Variants in FBXO10 observed in about 807,000 individuals in gnomAD.
The protein encoded by FBXO10 is F-box only protein 10.
FBXO10 carries 39 observed loss-of-function variants against 80.7 expected under a neutral mutation model. The ratio of observed to expected loss-of-function variants is 0.48; its 90% confidence interval spans 0.37 to 0.63. The LOEUF (loss-of-function observed/expected upper bound fraction) is 0.63. Ranked by LOEUF, FBXO10 falls within the 30% of genes least tolerant of loss-of-function variation. The pLI is 0.00. For synonymous variants in FBXO10, 449 were observed against 489.6 expected, an observed-to-expected ratio of 0.92 and a Z score of 1.09; for missense variants, 1,025 against 1,269.0, an observed-to-expected ratio of 0.81 and a Z score of 2.92.
At chr9:37,560,674 G>A (rs1286767466) in intron 1 of FBXO10, among the ~76,000 whole-genome samples, 6 of 150,702 alleles carry the variant, frequency 4.0e-5, no homozygotes, top group African/African-American at 1.2e-4. Context: ...TTGCCTTTCC[G>A]TTTTACCACT....
chr9:37,536,856 A>G (rs1236026440), intron 3 of FBXO10, among the ~76,000 whole-genome samples: 2 of 152,032 alleles, frequency 1.3e-5, no homozygotes, highest in Non-Finnish European at 2.9e-5. Context: ...GAGGCAGGAG[A>G]CCCGAGTTTC....
chr9:37,537,380 A>G lies in FBXO10; in HGVS notation c.1149T>C (p.Pro383=). The G allele has an allele frequency of 6.3e-7, 1 of 1,596,748 alleles. No individual in the cohort carries two copies. The highest frequency in any genetic ancestry group is 1.1e-5 in the South Asian group (1 of 89,216). ...RLSYQVQGPR[P]VLGGSFLGPP... is the part of the protein sequence containing the mutation. ...GGCCCAGAAATGAGCCCCCCAATACAGGGCGTGGGCCCTGCACTTGGTAGG... is the reference window on the plus strand; with the variant it reads ...GGCCCAGAAATGAGCCCCCCAATACGGGGCGTGGGCCCTGCACTTGGTAGG... Residue 383 remains proline (P), a synonymous_variant, in exon 3 of 11, where the codon CCT becomes CCC. Coordinates refer to ENST00000432825, the MANE Select transcript of FBXO10 (RefSeq NM_012166.3).
rs187865949 is a variant in FBXO10 at position 37,559,537 on chromosome 9, A to G, written c.-7+16674T>C. On this transcript the variant is annotated intron_variant, in intron 1 of 10. Coordinates refer to ENST00000432825, the MANE Select transcript of FBXO10 (RefSeq NM_012166.3). ...TTGCTGTGATGATTAAAAAATTGAAAGCACATTACATTGGGAATCAATGCT... is the reference window on the plus strand; with the variant it reads ...TTGCTGTGATGATTAAAAAATTGAAGGCACATTACATTGGGAATCAATGCT... 3.0e-4 allele frequency among the ~76,000 whole-genome samples: 45 copies of G among 152,352 alleles called. 1 individual carries two copies. The highest frequency in any genetic ancestry group is 2.7e-3 in the Admixed American group (41 of 15,306).
chr9:37,538,710 A>G (rs1366011334), intron 2 of FBXO10, among the ~76,000 whole-genome samples: 1 of 143,406 alleles, frequency 7.0e-6, no homozygotes, highest in Non-Finnish European at 1.6e-5. Context: ...TCGGTGTCCA[A>G]AAAAAAAAAA....
chr9:37,533,416 G>A (rs1201658754), intron 3 of FBXO10, among the ~76,000 whole-genome samples: 1 of 151,654 alleles, frequency 6.6e-6, no homozygotes, highest in Non-Finnish European at 1.5e-5. Flanking sequence ...CATGGTGGCA[G>A]ATGCCTGTAG....
chr9:37,526,908 TG>T (rs1821491175), intron 5 of FBXO10, among the ~76,000 whole-genome samples: 3 of 151,968 alleles, frequency 2.0e-5, no homozygotes, highest in Admixed American at 1.3e-4. Context: ...TGGAGTGCAG[TG>T]GCACGATCTC....
Position 37,537,595 on chromosome 9 carries a change from C to T in FBXO10, c.934G>A (p.Val312Ile), listed in dbSNP as rs1484548171. 6.2e-7 allele frequency: 1 copy of T among 1,613,934 alleles called. No individual in the cohort carries two copies. The highest frequency in any genetic ancestry group is 1.7e-5 in the Admixed American group (1 of 60,012). The change falls in exon 3 of 11, where the codon GTT (valine) becomes ATT (isoleucine). Residue 312 changes from valine (V) to isoleucine (I), a missense_variant. Coordinates refer to ENST00000432825, the MANE Select transcript of FBXO10 (RefSeq NM_012166.3). ...GTAGGGCTCTGGCTGCCCTCGATAA[C>T]AATGTCACAGGTCTTTGGGCTCCAG... ...QAWSPKTCDI[V>I]IEGSQSPTSP...
intron 1 of FBXO10, among the ~76,000 whole-genome samples, chr9:37,549,452 C>T (rs947457178): frequency 2.6e-5 from 4 of 152,170 alleles, no homozygotes; most frequent in Admixed American, 6.6e-5. Flanking sequence ...CTCTCTGTGT[C>T]CCCCATTCCA....
chr9:37,530,790 C>G (rs556907928), intron 4 of FBXO10, among the ~76,000 whole-genome samples: 14 of 152,270 alleles, frequency 9.2e-5, no homozygotes, highest in African/African-American at 3.4e-4. Context: ...CAGGTGTGAG[C>G]TACCATGCCC....
At chr9:37,572,566 A>G (rs1184754362) in intron 1 of FBXO10, among the ~76,000 whole-genome samples, 1 of 152,184 alleles carries the variant, frequency 6.6e-6, no homozygotes, top group African/African-American at 2.4e-5. Context: ...ACAAAATGCA[A>G]AAGTATGATT....
At chr9:37,525,398 A>G (rs1821445721) in intron 5 of FBXO10, among the ~76,000 whole-genome samples, 1 of 152,120 alleles carries the variant, frequency 6.6e-6, no homozygotes, top group Non-Finnish European at 1.5e-5. Context: ...AGCATTTCCT[A>G]AAGTCCCTTT....
intron 10 of FBXO10, 66 bp downstream of exon 10, chr9:37,515,838 G>T: frequency 6.5e-7 from 1 of 1,526,724 alleles, no homozygotes; most frequent in Non-Finnish European, 8.9e-7. Flanking sequence ...CTGGGTGTGG[G>T]CCTGGCTTCT....
rs778685696 is a variant in FBXO10, at chr9:37,541,402, T to C, written c.367A>G (p.Ser123Gly). The change falls in exon 2 of 11, where the codon AGT becomes GGT. Residue 123 changes from serine to glycine, a missense_variant. Coordinates refer to ENST00000432825, the MANE Select transcript of FBXO10 (RefSeq NM_012166.3). ...GPGREFDSLG[S>G]ALAMASLYDR... ...TACAGGCTGGCCATGGCCAAGGCAC[T>C]GCCCAGGCTGTCAAACTCACGGCCT... The C allele has an allele frequency of 8.1e-6, 13 of 1,614,044 alleles. No individual in the cohort carries two copies. The South Asian group carries it at 1.4e-4, about 18-fold the overall frequency.
rs182209619 is a variant in FBXO10, at chr9:37,525,051, G to A, written c.1777+51C>T. On this transcript the variant is annotated intron_variant, in intron 6 of 10. Transcript: ENST00000432825. The stretch of plus-strand genomic sequence containing the variant: ...TGAGGTCCTGAAGCTGGGGGGTGAC[G>A]CCAGGGGACCTTGGCCTGGCTGCCA... The A allele has an allele frequency of 1.3e-4, 193 of 1,499,670 alleles. 1 individual carries two copies. In the Middle Eastern group the frequency reaches 6.7e-3, roughly 52 times the overall value. 92.9% of individuals were successfully genotyped at this position (1,499,670 alleles called of 1,614,324 possible).
intron 10 of FBXO10, 143 bp from the exon 11 acceptor site, chr9:37,512,864 T>G: frequency 1.2e-6 from 1 of 860,698 alleles, no homozygotes; most frequent in Non-Finnish European, 1.7e-6. Context: ...CAGTTTAGTG[T>G]TAGTCCAAAG....
chr9:37,525,023 G>T, intron 6 of FBXO10, 79 bp downstream of exon 6: 1 of 1,236,886 alleles, frequency 8.1e-7, no homozygotes, highest in Non-Finnish European at 1.2e-6. Context: ...TAAAGGAGCA[G>T]TGTGAGGTCC....
At chr9:37,534,240 AC>A (rs1821699450) in intron 3 of FBXO10, among the ~76,000 whole-genome samples, 1 of 152,210 alleles carries the variant, frequency 6.6e-6, no homozygotes. Context: ...CTAAAGTAGA[AC>A]AAGAGTATAA....
Position 37,537,949 on chromosome 9 carries a change from G to A in FBXO10, c.586-6C>T. On this transcript the variant is annotated splice_polypyrimidine_tract_variant and splice_region_variant and intron_variant, in intron 2 of 10. Transcript: ENST00000432825. ...TGGACGTGACCTGATGTTGTCTGGGGAATGAAAAGAAGAAAACGGCTGTAA... is the reference window on the plus strand; with the variant it reads ...TGGACGTGACCTGATGTTGTCTGGGAAATGAAAAGAAGAAAACGGCTGTAA... 1 of 1,562,396 alleles carries A rather than the reference G, an allele frequency of 6.4e-7. No individual in the cohort carries two copies. Among genetic ancestry groups the A allele is most frequent in the Admixed American group, 1.7e-5 (1 of 58,666 alleles).
chr9:37,515,809 G>A, intron 10 of FBXO10, 95 bp downstream of exon 10: 1 of 1,329,058 alleles, frequency 7.5e-7, no homozygotes, highest in Non-Finnish European at 1.0e-6. Flanking sequence ...GTTGCAGGGA[G>A]CCCGGGCAGC....
Sources: gnomAD v4.1 joint callset for allele counts (sites outside exome capture counted in the v4.1 genomes callset) on GRCh38, gnomAD v4.1.1 for gene constraint, MANE v1.5 for transcripts, NCBI Gene and HGNC (gene_info 2026-07-23, HGNC 2026-07-21) for gene names.